PFDN2: variants seen among roughly 807,000 people sequenced by gnomAD.
The protein encoded by PFDN2 is prefoldin subunit 2.
In PFDN2, 7 loss-of-function variants were observed where a neutral mutation model predicts 18.3. The ratio of observed to expected loss-of-function variants is 0.38; its 90% CI spans 0.22 to 0.72. PFDN2 has a LOEUF of 0.72. Ranked by LOEUF, PFDN2 falls within the 30% of genes least tolerant of loss-of-function variation. PFDN2 has a pLI of 0.47. For missense variants in PFDN2, 181 were observed against 199.1 expected, an observed-to-expected ratio of 0.91 and a Z score of 0.55; for synonymous variants, 76 against 75.0, an observed-to-expected ratio of 1.01 and a Z score of -0.07.
At chr1:161,117,822 G>T (rs1278207066) in intron 1 of PFDN2, 130 bp downstream of exon 1, 8 of 829,374 alleles carry the variant, frequency 9.6e-6, no homozygotes, top group Non-Finnish European at 5.5e-6. Flanking sequence ...CTTTTCCGGG[G>T]ACCCTTCCCT....
chr1:161,112,523 T>G (rs1654832423), intron 1 of PFDN2, among the ~76,000 whole-genome samples: 7 of 152,158 alleles, frequency 4.6e-5, no homozygotes, highest in Admixed American at 4.6e-4. Flanking sequence ...AGCTTCAAAC[T>G]CCCAGACTCA....
At chr1:161,115,518 T>C (rs558091822) in intron 1 of PFDN2, among the ~76,000 whole-genome samples, 15 of 152,334 alleles carry the variant, frequency 9.8e-5, no homozygotes, top group African/African-American at 3.1e-4. Context: ...AACATTGTCG[T>C]GGCTCAATGA....
intron 1 of PFDN2, among the ~76,000 whole-genome samples, chr1:161,107,810 T>C (rs1654713821): frequency 6.6e-6 from 1 of 151,064 alleles, no homozygotes; most frequent in African/African-American, 2.4e-5. Context: ...AGTGAGATTC[T>C]GTCTCAAAAA....
At chr1:161,116,221 T>C (rs1041240288) in intron 1 of PFDN2, among the ~76,000 whole-genome samples, 15 of 150,642 alleles carry the variant, frequency 1.0e-4, no homozygotes, top group Non-Finnish European at 1.8e-4. Flanking sequence ...GAAGTGAAAC[T>C]CTGTCTCTAA....
chr1:161,102,775 T>G (rs530925071), intron 1 of PFDN2, among the ~76,000 whole-genome samples: 5 of 151,896 alleles, frequency 3.3e-5, no homozygotes, highest in Non-Finnish European at 7.4e-5. Context: ...CTGGCCAACA[T>G]GGTGAAACTC....
chr1:161,106,313 A>C (rs1654676163), intron 1 of PFDN2, among the ~76,000 whole-genome samples: 1 of 152,162 alleles, frequency 6.6e-6, no homozygotes. Context: ...ACCCAGTCTC[A>C]GGTAATTATA....
intron 1 of PFDN2, among the ~76,000 whole-genome samples, chr1:161,117,707 A>G (rs971565469): frequency 6.6e-6 from 1 of 152,024 alleles, no homozygotes; most frequent in African/African-American, 2.4e-5. Flanking sequence ...ATCTTCCCAG[A>G]CCCTACATGT....
chr1:161,114,081 A>G (rs990864435), intron 1 of PFDN2, among the ~76,000 whole-genome samples: 1 of 152,200 alleles, frequency 6.6e-6, no homozygotes, highest in African/African-American at 2.4e-5. Flanking sequence ...AAACTATGGA[A>G]AGTGATCATT....
At chr1:161,106,749 G>A (rs1654684874) in intron 1 of PFDN2, among the ~76,000 whole-genome samples, 1 of 146,880 alleles carries the variant, frequency 6.8e-6, no homozygotes, top group African/African-American at 2.5e-5. Flanking sequence ...TGATCCTCCT[G>A]CCTCCACTTC....
intron 1 of PFDN2, among the ~76,000 whole-genome samples, chr1:161,110,005 G>C (rs1284843583): frequency 6.6e-6 from 1 of 151,750 alleles, no homozygotes; most frequent in Non-Finnish European, 1.5e-5. Flanking sequence ...AGTGAACCCA[G>C]ATTGTGCCAT....
At chr1:161,102,259 A>G (rs779333929) in intron 2 of PFDN2, 28 bp downstream of exon 2, 28 of 1,612,276 alleles carry the variant, frequency 1.7e-5, no homozygotes, top group Non-Finnish European at 2.2e-5. Flanking sequence ...CAACTGTCCT[A>G]CTGTTTGCCT....
At chr1:161,111,959 C>A (rs1168569915) in intron 1 of PFDN2, among the ~76,000 whole-genome samples, 1 of 152,122 alleles carries the variant, frequency 6.6e-6, no homozygotes, top group African/African-American at 2.4e-5. Flanking sequence ...TGCCTTTATT[C>A]TACTTGCCTG....
intron 1 of PFDN2, among the ~76,000 whole-genome samples, chr1:161,111,244 T>G (rs1188229503): frequency 6.6e-6 from 1 of 152,168 alleles, no homozygotes; most frequent in Non-Finnish European, 1.5e-5. Flanking sequence ...AGTAGCAACA[T>G]AGTAAAGTGG....
At chr1:161,110,293 G>A (rs756408072) in intron 1 of PFDN2, among the ~76,000 whole-genome samples, 167 of 151,882 alleles carry the variant, frequency 1.1e-3, no homozygotes, top group Non-Finnish European at 2.0e-3. Flanking sequence ...CCTGGGAGGC[G>A]GGGGTTGCAA....
chr1:161,116,471 G>A (rs1436709408), intron 1 of PFDN2, among the ~76,000 whole-genome samples: 1 of 151,486 alleles, frequency 6.6e-6, no homozygotes, highest in Non-Finnish European at 1.5e-5. Flanking sequence ...CCGAGATCAC[G>A]CCACTGCACT....
rs145234468 is a variant in PFDN2, at chr1:161,109,860, G to A, written c.76-7485C>T. The stretch of plus-strand genomic sequence containing the variant: ...AGGCCAGGAGTTCCAGATCAGCCTG[G>A]CCAACACGGTGAAACCCCATCCCTA... On this transcript the variant is annotated intron_variant, in intron 1 of 3. Coordinates refer to ENST00000368010, the MANE Select transcript of PFDN2 (RefSeq NM_012394.4). 2.8e-4 allele frequency among the ~76,000 whole-genome samples: 42 copies of A among 152,272 alleles called. No homozygotes were observed. In the East Asian group the frequency reaches 7.9e-3, roughly 29 times the overall value.
chr1:161,112,744 C>T (rs1002764916), intron 1 of PFDN2, among the ~76,000 whole-genome samples: 2 of 152,130 alleles, frequency 1.3e-5, no homozygotes, highest in African/African-American at 4.8e-5. Context: ...CTAAATGATC[C>T]TATTTTTAGA....
chr1:161,105,734 C>CTT (rs1654664800), intron 1 of PFDN2, among the ~76,000 whole-genome samples: 1 of 152,200 alleles, frequency 6.6e-6, no homozygotes, highest in African/African-American at 2.4e-5. Context: ...GCTGGGATTA[C>CTT]AGGCGTGAGC....
At chr1:161,113,967 T>TA (rs1654858940) in intron 1 of PFDN2, among the ~76,000 whole-genome samples, 1 of 152,220 alleles carries the variant, frequency 6.6e-6, no homozygotes, top group African/African-American at 2.4e-5. Flanking sequence ...AAAACTCACT[T>TA]ATCACACTTC....
Sources: allele counts gnomAD v4.1 joint callset (sites outside exome capture counted in the v4.1 genomes callset), GRCh38; gene constraint gnomAD v4.1.1; transcripts MANE v1.5; gene names NCBI Gene and HGNC (gene_info 2026-07-23, HGNC 2026-07-21).